PCDH15: variants seen among roughly 807,000 people sequenced by gnomAD.
PCDH15 encodes the protein protocadherin-15.
A neutral mutation model predicts 178.5 loss-of-function variants in PCDH15; 129 were observed. The ratio of observed to expected loss-of-function variants is 0.72; its 90% CI spans 0.63 to 0.84. The LOEUF (loss-of-function observed/expected upper bound fraction) is 0.84. PCDH15 is among the 40% of genes least tolerant of loss of function. The pLI is 0.00. For synonymous variants in PCDH15, 800 were observed against 732.0 expected, an observed-to-expected ratio of 1.09 and a Z score of -1.50; for missense variants, 2,230 against 2,099.9, an observed-to-expected ratio of 1.06 and a Z score of -1.21.
At chr10:55,186,915 C>CT (rs1839814969) in intron 1 of PCDH15, among the ~76,000 whole-genome samples, 2 of 151,840 alleles carry the variant, frequency 1.3e-5, no homozygotes, top group Admixed American at 1.3e-4. Context: ...GAAAGTCATT[C>CT]TTTATATCAG....
intron 2 of PCDH15, among the ~76,000 whole-genome samples, chr10:55,026,160 C>T (rs954713917): frequency 6.6e-6 from 1 of 151,894 alleles, no homozygotes; most frequent in African/African-American, 2.4e-5. Context: ...AAATGGAAGA[C>T]AGGATTCACA....
intron 13 of PCDH15, among the ~76,000 whole-genome samples, chr10:54,157,080 T>G (rs901081751): frequency 3.3e-5 from 5 of 152,190 alleles, no homozygotes; most frequent in Admixed American, 2.6e-4. Flanking sequence ...GTCTGTAGCT[T>G]TTGCAGGTGC....
chr10:54,431,561 C>T (rs1171185145), intron 3 of PCDH15, among the ~76,000 whole-genome samples: 5 of 152,122 alleles, frequency 3.3e-5, no homozygotes, highest in African/African-American at 1.2e-4. Context: ...AACAACCTTT[C>T]ATGATAAAAT....
At chr10:55,291,186 A>G (rs1842997874) in intron 1 of PCDH15, among the ~76,000 whole-genome samples, 1 of 152,178 alleles carries the variant, frequency 6.6e-6, no homozygotes, top group South Asian at 2.1e-4. Context: ...CCAAAGTCTT[A>G]ACTCATTTCA....
At chr10:55,256,992 A>T (rs1842017868) in intron 1 of PCDH15, among the ~76,000 whole-genome samples, 1 of 152,098 alleles carries the variant, frequency 6.6e-6, no homozygotes, top group South Asian at 2.1e-4. Flanking sequence ...GCAGACTGAC[A>T]CCTCACACTG....
At chr10:55,351,464 C>T (rs534444261) in intron 2 of PCDH15, among the ~76,000 whole-genome samples, 11 of 152,136 alleles carry the variant, frequency 7.2e-5, no homozygotes, top group Admixed American at 3.3e-4. Context: ...ATCATTGTTG[C>T]TCAAGTAATC....
chr10:54,442,326 A>G (rs11004305), intron 3 of PCDH15, among the ~76,000 whole-genome samples: 64,914 of 137,446 alleles, frequency 0.47, 16,641 homozygotes, highest in Non-Finnish European at 0.56. Flanking sequence ...AAATTCATAA[A>G]GTGTTGGTTA....
At chr10:54,779,030 T>C (rs1949995463) in intron 1 of PCDH15, among the ~76,000 whole-genome samples, 1 of 152,094 alleles carries the variant, frequency 6.6e-6, no homozygotes, top group Non-Finnish European at 1.5e-5. Flanking sequence ...TTTACTCACA[T>C]ATTTACAACC....
intron 2 of PCDH15, among the ~76,000 whole-genome samples, chr10:54,575,623 G>T (rs1025955267): frequency 6.6e-6 from 1 of 151,926 alleles, no homozygotes; most frequent in Non-Finnish European, 1.5e-5. Context: ...TAAATGTCTT[G>T]TTCTACTGGG....
intron 25 of PCDH15, among the ~76,000 whole-genome samples, chr10:53,923,771 T>A (rs80160839): frequency 6.6e-6 from 1 of 152,240 alleles, no homozygotes; most frequent in Non-Finnish European, 1.5e-5. Flanking sequence ...TTGACTTTTC[T>A]TGAAACCCTC....
At chr10:54,884,641 C>A (rs7350463) in intron 3 of PCDH15, among the ~76,000 whole-genome samples, 113,134 of 151,752 alleles carry the variant, frequency 0.75, 42,526 homozygotes, top group East Asian at 0.89. Context: ...TAAAATCTCC[C>A]AACAGTTTCA....
chr10:55,027,433 G>T (rs911068142), intron 2 of PCDH15, among the ~76,000 whole-genome samples: 2 of 151,722 alleles, frequency 1.3e-5, no homozygotes, highest in Non-Finnish European at 3.0e-5. Context: ...GTGAATGAGG[G>T]GGTGGGGAGT....
intron 18 of PCDH15, among the ~76,000 whole-genome samples, chr10:54,049,210 TA>T (rs1383040821): frequency 6.6e-6 from 1 of 152,214 alleles, no homozygotes; most frequent in Non-Finnish European, 1.5e-5. Context: ...TGATTTTTTT[TA>T]CCTTGATTTT....
intron 8 of PCDH15, among the ~76,000 whole-genome samples, chr10:54,270,499 T>C (rs928970833): frequency 6.6e-6 from 1 of 152,082 alleles, no homozygotes; most frequent in African/African-American, 2.4e-5. Flanking sequence ...TATGGGTAAG[T>C]TGGGGGTCAA....
chr10:54,769,994 C>T (rs1181561687), intron 1 of PCDH15, among the ~76,000 whole-genome samples: 1 of 152,072 alleles, frequency 6.6e-6, no homozygotes, highest in African/African-American at 2.4e-5. Context: ...TAAATTAGTT[C>T]AAATTGAATA....
intron 2 of PCDH15, among the ~76,000 whole-genome samples, chr10:55,036,026 C>T (rs1840727370): frequency 1.3e-5 from 2 of 152,124 alleles, no homozygotes; most frequent in East Asian, 1.9e-4. Context: ...AAACTTAATC[C>T]CCCAAGGAAC....
chr10:55,443,052 T>C (rs1839233186), intron 2 of PCDH15, among the ~76,000 whole-genome samples: 1 of 152,158 alleles, frequency 6.6e-6, no homozygotes, highest in Non-Finnish European at 1.5e-5. Context: ...GGATTCCCTA[T>C]TTCATAAATG....
At chr10:55,228,309 T>A (rs1841112242) in intron 1 of PCDH15, among the ~76,000 whole-genome samples, 1 of 151,876 alleles carries the variant, frequency 6.6e-6, no homozygotes, top group Non-Finnish European at 1.5e-5. Flanking sequence ...GTGTTATTTT[T>A]AAAAAATGAG....
intron 13 of PCDH15, among the ~76,000 whole-genome samples, chr10:54,154,308 T>C (rs2044861992): frequency 6.6e-6 from 1 of 151,852 alleles, no homozygotes; most frequent in Non-Finnish European, 1.5e-5. Flanking sequence ...GGTCTCAATT[T>C]ACACATGAGG....
Sources: allele counts gnomAD v4.1 joint callset (sites outside exome capture counted in the v4.1 genomes callset), GRCh38; gene constraint gnomAD v4.1.1; transcripts MANE v1.5; gene names NCBI Gene and HGNC (gene_info 2026-07-23, HGNC 2026-07-21).